The following ZP1 variants were observed in gnomAD, a reference collection of about 807,000 sequenced individuals.
The protein encoded by ZP1 is zona pellucida sperm-binding protein 1.
ZP1 carries 58 observed loss-of-function variants against 67.4 expected under a neutral mutation model. The observed-to-expected ratio is 0.86, with a 90% CI of 0.70 to 1.07. The LOEUF is 1.07. Ranked by LOEUF, ZP1 falls within the 50% of genes least tolerant of loss-of-function variation. The pLI, the probability that ZP1 is intolerant of heterozygous loss-of-function variation, is 0.00. For synonymous variants in ZP1, 333 were observed against 332.7 expected, an observed-to-expected ratio of 1.00 and a Z score of -0.01; for missense variants, 759 against 807.3, an observed-to-expected ratio of 0.94 and a Z score of 0.72.
rs996177806 is a variant in ZP1, at chr11:60,867,600, G to A, written c.39G>A (p.Val13=). 6.2e-7 allele frequency: 1 copy of A among 1,613,380 alleles called. No homozygotes were observed. The highest frequency in any genetic ancestry group is 1.3e-5 in the African/African-American group (1 of 75,064). ...GGSATTWGYP[V]ALLLLVATLG... Reference sequence around the variant, plus strand: ...CAGCCACGACCTGGGGTTACCCTGTGGCCCTGCTACTGCTGGTTGCCACCC... The same window carrying A: ...CAGCCACGACCTGGGGTTACCCTGTAGCCCTGCTACTGCTGGTTGCCACCC... The change falls in exon 1 of 12, where the codon GTG becomes GTA. Residue 13 remains valine, a synonymous_variant. Transcript: ENST00000278853.
In ZP1 at chr11:60,869,884, C is replaced by A; in HGVS notation, c.666C>A (p.Asn222Lys). The part of the protein sequence containing the change: ...HWGTLEHWDV[N>K]KRDYIGTHLS... ...GCACCTTGGAACACTGGGATGTGAACAAACGAGATTACATAGGTACGCAGG... is the reference window on the plus strand; with the variant it reads ...GCACCTTGGAACACTGGGATGTGAAAAAACGAGATTACATAGGTACGCAGG... Residue 222 changes from asparagine (N) to lysine (K), a missense_variant, in exon 3 of 12, where the codon AAC becomes AAA. Transcript: ENST00000278853. 6.4e-7 allele frequency: 1 copy of A among 1,562,290 alleles called. No homozygotes were observed. Among genetic ancestry groups the A allele is most frequent in the Non-Finnish European group, 8.7e-7 (1 of 1,152,234 alleles).
chr11:60,870,002 G>GT (rs1044595362), intron 3 of ZP1, 102 bp downstream of exon 3: 4 of 1,374,576 alleles, frequency 2.9e-6, no homozygotes, highest in East Asian at 2.5e-5. Flanking sequence ...TTCTTTTTTT[G>GT]TTTTTTTCTT....
chr11:60,870,799 C>A (rs1039804351), intron 4 of ZP1, 158 bp from the exon 5 acceptor site: 6 of 820,846 alleles, frequency 7.3e-6, no homozygotes, highest in Non-Finnish European at 1.2e-5. Context: ...ATGAGAAAAT[C>A]AGTCCATAAA....
intron 11 of ZP1, 87 bp downstream of exon 11, chr11:60,875,335 T>C: frequency 5.2e-6 from 8 of 1,541,526 alleles, no homozygotes; most frequent in South Asian, 2.5e-5. Context: ...GCTCCAGCCA[T>C]AGCTGAGGGC....
At position 60,869,599 on chromosome 11, in the gene ZP1, G is replaced by A; in HGVS notation, c.381G>A (p.Val127=). 6.2e-7 allele frequency: 1 copy of A among 1,613,930 alleles called. No individual in the cohort carries two copies. The highest frequency in any genetic ancestry group is 1.1e-5 in the South Asian group (1 of 91,062). Residue 127 remains valine, a synonymous_variant, in exon 3 of 12, where the codon GTG becomes GTA. Transcript: ENST00000278853. ...EAVLPNGRVD[V]AQDATLICPK... is the part of the protein sequence containing the mutation. ...TGCTGCCCAATGGTCGTGTGGATGTGGCACAAGACGCTACTCTGATCTGTC... is the reference window on the plus strand; with the variant it reads ...TGCTGCCCAATGGTCGTGTGGATGTAGCACAAGACGCTACTCTGATCTGTC...
chr11:60,869,857 G>C lies in ZP1; in HGVS notation c.639G>C (p.Trp213Cys). Residue 213 changes from tryptophan (W) to cysteine (C), a missense_variant, in exon 3 of 12, where the codon TGG (tryptophan) becomes TGC (cysteine). Trp to Cys is a radical substitution (Grantham distance 215, BLOSUM62 -2). Coordinates refer to ENST00000278853, the MANE Select transcript of ZP1 (RefSeq NM_207341.4). ...TCGCCACCCTGGCTCAACCCCACTGGGGCACCTTGGAACACTGGGATGTGA... is the reference window on the plus strand; with the variant it reads ...TCGCCACCCTGGCTCAACCCCACTGCGGCACCTTGGAACACTGGGATGTGA... ...PTLATLAQPH[W>C]GTLEHWDVNK... 1 of 1,591,562 alleles carries C rather than the reference G, an allele frequency of 6.3e-7. No individual in the cohort carries two copies. The highest frequency in any genetic ancestry group is 2.2e-5 in the East Asian group (1 of 44,684).
rs1311338270 is a variant in ZP1, at chr11:60,867,745, T to C, written c.184T>C (p.Phe62Leu). ...VFPRPGQTLR[F>L]KVVDEFGNRF... The stretch of plus-strand genomic sequence containing the variant: ...CCCCAGGCCAGGCCAGACTCTCCGC[T>C]TCAAGGTGGTGGGTGAGTGCTGGCA... The change falls in exon 1 of 12, where the codon TTC becomes CTC. Residue 62 changes from phenylalanine to leucine, a missense_variant. Phe to Leu is a conservative substitution (Grantham distance 22, BLOSUM62 0). Transcript: ENST00000278853. The C allele has an allele frequency of 6.2e-7, 1 of 1,613,582 alleles. No homozygotes were observed. Among genetic ancestry groups the C allele is most frequent in the South Asian group, 1.1e-5 (1 of 90,954 alleles).
intron 1 of ZP1, among the ~76,000 whole-genome samples, chr11:60,868,191 T>G (rs1855504858): frequency 6.6e-6 from 1 of 152,036 alleles, no homozygotes; most frequent in Non-Finnish European, 1.5e-5. Flanking sequence ...GGACTACAGG[T>G]GTGTGCCACC....
chr11:60,873,363 C>A lies in ZP1; in HGVS notation c.1241-12C>A. 6.3e-7 allele frequency: 1 copy of A among 1,596,870 alleles called. No individual in the cohort carries two copies. On this transcript the variant is annotated splice_polypyrimidine_tract_variant and intron_variant, in intron 7 of 11. Transcript: ENST00000278853. ...ACAGCCCGCCCTGGCTCATGAGTCA[C>A]TCTCCCTGCAGACGAGACCTTCAGC...
In ZP1 at chr11:60,874,927, C is replaced by T. The variant is rs952042511; in HGVS notation, c.1573-6C>T. The stretch of plus-strand genomic sequence containing the variant: ...AGCCACTTTGATGTTCTTCTCCTTC[C>T]ACCAGGTTTACTTGTTCTGCAGCAC... On this transcript the variant is annotated splice_region_variant and splice_polypyrimidine_tract_variant and intron_variant, in intron 9 of 11. Coordinates refer to ENST00000278853, the MANE Select transcript of ZP1 (RefSeq NM_207341.4). 15 of 1,614,044 alleles carry T rather than the reference C, an allele frequency of 9.3e-6. No homozygotes were observed. The highest frequency in any genetic ancestry group is 1.2e-5 in the Non-Finnish European group (14 of 1,180,002).
rs1244542740 is a variant in ZP1, at chr11:60,875,118, C to T, written c.1655-11C>T. The T allele has an allele frequency of 3.1e-6, 5 of 1,613,632 alleles. No homozygotes were observed. The highest frequency in any genetic ancestry group is 2.2e-5 in the East Asian group (1 of 44,894). On this transcript the variant is annotated splice_polypyrimidine_tract_variant and intron_variant, in intron 10 of 11. Coordinates refer to ENST00000278853, the MANE Select transcript of ZP1 (RefSeq NM_207341.4). ...GAGACCAGCCCAAGATTTCATTCTT[C>T]CCCTGGGCAGGACAGCGACGATCCT... is the stretch of plus-strand genomic sequence containing the variant.
At chr11:60,872,016 C>T (rs747342901) in intron 6 of ZP1, among the ~76,000 whole-genome samples, 22 of 152,138 alleles carry the variant, frequency 1.4e-4, no homozygotes, top group Admixed American at 2.6e-4. Context: ...TTCCCCTTCC[C>T]GCCCTGCCGT....
rs1256310345 is a variant in ZP1 at position 60,872,921 on chromosome 11, G to C, written c.1113-241G>C. ...CTATCCTGCTGTATTCTCCCACCAG[G>C]TGCAGGGCCTGGCATAACAGGCTTG... On this transcript the variant is annotated intron_variant, in intron 6 of 11. Transcript: ENST00000278853. Among the ~76,000 whole-genome samples the C allele has an allele frequency of 2.0e-5, 3 of 152,168 alleles. No individual in the cohort carries two copies. The East Asian group carries it at 5.8e-4, about 29-fold the overall frequency.
rs139535911 is a variant in ZP1 at position 60,871,120 on chromosome 11, C to T, written c.990C>T (p.Leu330=). The stretch of plus-strand genomic sequence containing the variant: ...CTTTCGTGGTCTTCTACTTCCCTCT[C>T]ACCCACTGTGGAACCACAATGCAGG... ...TEAFVVFYFP[L]THCGTTMQVA... is the part of the protein sequence containing the mutation. The change falls in exon 5 of 12, where the codon CTC becomes CTT. Residue 330 remains leucine, a synonymous_variant. Coordinates refer to ENST00000278853, the MANE Select transcript of ZP1 (RefSeq NM_207341.4). The T allele has an allele frequency of 3.1e-6, 5 of 1,613,998 alleles. No homozygotes were observed. The African/African-American group carries it at 6.7e-5, about 22-fold the overall frequency.
intron 6 of ZP1, 66 bp downstream of exon 6, chr11:60,871,380 A>G: frequency 2.6e-6 from 4 of 1,552,856 alleles, no homozygotes; most frequent in Non-Finnish European, 3.5e-6. Context: ...AGGCGAGCTC[A>G]GTACAGGCTT....
In ZP1 at chr11:60,871,034, C is replaced by A; in HGVS notation, c.904C>A (p.Leu302Met). 6.2e-7 allele frequency: 1 copy of A among 1,614,270 alleles called. No individual in the cohort carries two copies. Among genetic ancestry groups the A allele is most frequent in the South Asian group, 1.1e-5 (1 of 91,090 alleles). The change falls in exon 5 of 12, where the codon CTG becomes ATG. Residue 302 changes from leucine (L) to methionine (M), a missense_variant. Physicochemically the swap from Leu to Met is conservative, Grantham distance 15 (BLOSUM62 2). Coordinates refer to ENST00000278853, the MANE Select transcript of ZP1 (RefSeq NM_207341.4). ...AATGGCCTTGACACACAGGATCACA[C>A]TGGCCAACATCCACCTGGCCTATGC... ...QEMALTHRITLANIHLAYAPT... is the reference protein window; with the variant it reads ...QEMALTHRITMANIHLAYAPT...
intron 1 of ZP1, 89 bp from the exon 2 acceptor site, chr11:60,869,055 TG>T: frequency 2.0e-6 from 3 of 1,527,750 alleles, no homozygotes; most frequent in Non-Finnish European, 1.8e-6. Context: ...CCAGGTCTCC[TG>T]GCTGCTGAGT....
At chr11:60,872,530 T>G (rs1020865746) in intron 6 of ZP1, among the ~76,000 whole-genome samples, 1 of 152,182 alleles carries the variant, frequency 6.6e-6, no homozygotes, top group African/African-American at 2.4e-5. Context: ...CCATGGCCCT[T>G]AGGCTAGTGA....
chr11:60,873,246 G>A lies in ZP1; in HGVS notation c.1197G>A (p.Met399Ile), dbSNP rs201448445. The change falls in exon 7 of 12, where the codon ATG becomes ATA. Residue 399 changes from methionine (M) to isoleucine (I), a missense_variant. Physicochemically the swap from Met to Ile is conservative, Grantham distance 10. Transcript: ENST00000278853. ...TCCCACCCCCATCGCCTGCTCCTAT[G>A]ACCCAGCCCGGCCCCCTGCGGCTTG... The part of the protein sequence containing the change: ...SIFPPPSPAP[M>I]TQPGPLRLEL... 173 of 1,602,334 alleles carry A rather than the reference G, an allele frequency of 1.1e-4. No individual in the cohort carries two copies. The highest frequency in any genetic ancestry group is 3.9e-4 in the Admixed American group (23 of 59,094).
Sources: gnomAD v4.1 joint callset for allele counts (sites outside exome capture counted in the v4.1 genomes callset) on GRCh38, gnomAD v4.1.1 for gene constraint, MANE v1.5 for transcripts, NCBI Gene and HGNC (gene_info 2026-07-23, HGNC 2026-07-21) for gene names.